GRK3: variants seen among roughly 807,000 people sequenced by gnomAD.
GRK3 encodes the protein adrenergic, beta, receptor kinase 2.
A neutral mutation model predicts 95.7 loss-of-function variants in GRK3; 54 were observed. The observed-to-expected ratio is 0.56, with a 90% CI of 0.45 to 0.71. The LOEUF is 0.71. Ranked by LOEUF, GRK3 falls within the 30% of genes least tolerant of loss-of-function variation. The probability of loss-of-function intolerance (pLI) is 0.00; values close to 1 mark genes in which losing one functional copy is unlikely to be tolerated. For missense variants in GRK3, 649 were observed against 851.2 expected (o/e 0.76, Z 2.96); for synonymous variants, 281 against 290.8 (o/e 0.97, Z 0.34).
intron 12 of GRK3, among the ~76,000 whole-genome samples, chr22:25,692,719 T>C (rs1042285237): frequency 3.9e-5 from 6 of 152,234 alleles, no homozygotes. Context: ...GAAATTGAGG[T>C]TCAGAGAAAG....
intron 18 of GRK3, among the ~76,000 whole-genome samples, chr22:25,716,309 C>T (rs772409339): frequency 3.3e-5 from 5 of 152,128 alleles, no homozygotes; most frequent in Non-Finnish European, 5.9e-5. Context: ...TTTAGAGAAC[C>T]GGTCCATTGT....
chr22:25,649,023 C>A, intron 3 of GRK3: 2 of 1,267,424 alleles, frequency 1.6e-6, no homozygotes, highest in Non-Finnish European at 2.3e-6. Flanking sequence ...AGTGCCATAT[C>A]CAGGTATGGT....
At chr22:25,677,333 C>G (rs1427650660) in intron 8 of GRK3, among the ~76,000 whole-genome samples, 1 of 145,226 alleles carries the variant, frequency 6.9e-6, no homozygotes, top group Non-Finnish European at 1.5e-5. Context: ...GTACAATCAT[C>G]CCACTGGACT....
chr22:25,683,211 T>G (rs1207975415), intron 9 of GRK3, among the ~76,000 whole-genome samples: 1 of 152,278 alleles, frequency 6.6e-6, no homozygotes, highest in African/African-American at 2.4e-5. Context: ...AGAAAACATT[T>G]GCTGATCCAT....
chr22:25,632,050 T>C (rs570206904), intron 2 of GRK3, among the ~76,000 whole-genome samples: 1 of 152,222 alleles, frequency 6.6e-6, no homozygotes, highest in Non-Finnish European at 1.5e-5. Context: ...TATAAGAGCA[T>C]ACATTTTTAT....
At chr22:25,648,550 C>G in intron 3 of GRK3, 2 of 1,440,432 alleles carry the variant, frequency 1.4e-6, no homozygotes, top group Non-Finnish European at 1.9e-6. Context: ...ATGCCAGAAG[C>G]TTTTCTTCAA....
intron 6 of GRK3, among the ~76,000 whole-genome samples, chr22:25,669,368 C>T (rs962725044): frequency 1.3e-5 from 2 of 152,140 alleles, no homozygotes; most frequent in African/African-American, 4.8e-5. Flanking sequence ...GAGGCTTTCC[C>T]TCTTCTAGTT....
At chr22:25,658,471 T>G (rs1489107014) in intron 3 of GRK3, among the ~76,000 whole-genome samples, 1 of 152,250 alleles carries the variant, frequency 6.6e-6, no homozygotes, top group Non-Finnish European at 1.5e-5. Flanking sequence ...TGTGTCATTA[T>G]GGGGCCCACC....
intron 1 of GRK3, among the ~76,000 whole-genome samples, chr22:25,579,873 T>G (rs1447011288): frequency 6.6e-6 from 1 of 152,140 alleles, no homozygotes; most frequent in African/African-American, 2.4e-5. Context: ...AAATATTGAT[T>G]TAGGCAAAGA....
At chr22:25,606,345 G>A (rs564530449) in intron 2 of GRK3, among the ~76,000 whole-genome samples, 1 of 152,336 alleles carries the variant, frequency 6.6e-6, no homozygotes, top group African/African-American at 2.4e-5. Context: ...GGAGGCTTAG[G>A]GAGAGCGCAC....
chr22:25,630,351 A>C (rs998275043), intron 2 of GRK3, among the ~76,000 whole-genome samples: 2 of 152,298 alleles, frequency 1.3e-5, no homozygotes, highest in Admixed American at 1.3e-4. Flanking sequence ...CGTATGGCTT[A>C]TTTGAATAAT....
At chr22:25,718,521 G>C in intron 19 of GRK3, 140 bp downstream of exon 19, 1 of 996,706 alleles carries the variant, frequency 1.0e-6, no homozygotes, top group Non-Finnish European at 1.5e-6. Flanking sequence ...AGATTGTAAT[G>C]TGCAAACTTT....
intron 2 of GRK3, among the ~76,000 whole-genome samples, chr22:25,631,423 G>C (rs907269120): frequency 1.3e-5 from 2 of 152,176 alleles, no homozygotes; most frequent in Non-Finnish European, 2.9e-5. Flanking sequence ...CAAGTGATCA[G>C]GCTGGCTTCT....
intron 2 of GRK3, among the ~76,000 whole-genome samples, chr22:25,609,233 A>G (rs1277290799): frequency 6.6e-6 from 1 of 152,240 alleles, no homozygotes; most frequent in East Asian, 1.9e-4. Flanking sequence ...GGCATTTGAT[A>G]AAGTCCATCT....
Position 25,616,167 on chromosome 22 carries a change from G to C in GRK3, c.190+11714G>C, listed in dbSNP as rs530811631. 3.5e-3 allele frequency among the ~76,000 whole-genome samples: 533 copies of C among 152,282 alleles called. 7 individuals carry two copies. The highest frequency in any genetic ancestry group is 0.014 in the Middle Eastern group (4 of 294). On this transcript the variant is annotated intron_variant, in intron 2 of 20. Coordinates refer to ENST00000324198, the MANE Select transcript of GRK3 (RefSeq NM_005160.4). ...TGCTCCTGGATCAGTCTGGCCGATG[G>C]GGAGGCATGGGCCAGGGAGGTTGTG...
At chr22:25,650,063 T>A (rs1264717566) in intron 3 of GRK3, among the ~76,000 whole-genome samples, 5 of 151,666 alleles carry the variant, frequency 3.3e-5, no homozygotes, top group Admixed American at 3.3e-4. Flanking sequence ...GCCATCCTGG[T>A]TCACTGCAAC....
At chr22:25,643,636 C>T (rs1371553509) in intron 2 of GRK3, among the ~76,000 whole-genome samples, 1 of 152,218 alleles carries the variant, frequency 6.6e-6, no homozygotes, top group Non-Finnish European at 1.5e-5. Flanking sequence ...TCAAGTATCT[C>T]TACCTTCAGT....
At chr22:25,591,493 C>T (rs1932487152) in intron 1 of GRK3, among the ~76,000 whole-genome samples, 1 of 152,128 alleles carries the variant, frequency 6.6e-6, no homozygotes, top group African/African-American at 2.4e-5. Context: ...CCTCTAGTCA[C>T]ACTTTTGCTT....
chr22:25,641,171 T>C (rs1401700097), intron 2 of GRK3, among the ~76,000 whole-genome samples: 1 of 152,242 alleles, frequency 6.6e-6, no homozygotes, highest in Non-Finnish European at 1.5e-5. Context: ...AATAATATTT[T>C]GTGTTTTCTA....
Sources: gnomAD v4.1 joint callset for allele counts (sites outside exome capture counted in the v4.1 genomes callset) on GRCh38, gnomAD v4.1.1 for gene constraint, MANE v1.5 for transcripts, NCBI Gene and HGNC (gene_info 2026-07-23, HGNC 2026-07-21) for gene names.